Variants in ADGRL3 observed in about 807,000 individuals in gnomAD.
ADGRL3 encodes calcium-independent alpha-latrotoxin receptor 3.
A neutral mutation model predicts 153.5 loss-of-function variants in ADGRL3; 62 were observed. The observed-to-expected ratio is 0.40, with a 90% CI of 0.33 to 0.50. The LOEUF is 0.50. ADGRL3 is among the 20% of genes least tolerant of loss of function. ADGRL3 has a pLI of 0.47. For synonymous variants in ADGRL3, 710 were observed against 672.5 expected (o/e 1.06, Z -0.86); for missense variants, 1,641 against 1,859.4 (o/e 0.88, Z 2.16).
chr4:61,552,179 T>G (rs950031362), intron 4 of ADGRL3, among the ~76,000 whole-genome samples: 1 of 152,178 alleles, frequency 6.6e-6, no homozygotes, highest in Admixed American at 6.6e-5. Context: ...GGCTCATATG[T>G]CACTTACTAA....
intron 1 of ADGRL3, among the ~76,000 whole-genome samples, chr4:61,207,569 T>C (rs1237824077): frequency 1.3e-5 from 2 of 152,174 alleles, no homozygotes; most frequent in African/African-American, 4.8e-5. Flanking sequence ...TACCCAGTAA[T>C]GAGATTGCTG....
intron 1 of ADGRL3, among the ~76,000 whole-genome samples, chr4:61,236,943 G>A (rs181709767): frequency 6.6e-6 from 1 of 152,032 alleles, no homozygotes; most frequent in Non-Finnish European, 1.5e-5. Context: ...TTCTATTTCA[G>A]ATATTATTAC....
At position 61,730,604 on chromosome 4, in the gene ADGRL3, C is replaced by A; in HGVS notation, c.584-18C>A. The A allele has an allele frequency of 1.9e-6, 1 of 536,132 alleles. No individual in the cohort carries two copies. The highest frequency in any genetic ancestry group is 3.2e-6 in the Non-Finnish European group (1 of 312,240). The allele number at this position is 536,132 out of a possible 1,614,324, so 33.2% of individuals were successfully genotyped here. A position where few individuals can be genotyped will look rare whatever the true frequency, so the allele number is the denominator to read the frequency against. Reference sequence around the variant, plus strand: ...TTCTCTTTTCTCCTTTCTCTCTTTACTTCTCTCTCTCCAATAGAAGTGGAA... The same window carrying A: ...TTCTCTTTTCTCCTTTCTCTCTTTAATTCTCTCTCTCCAATAGAAGTGGAA... On this transcript the variant is annotated intron_variant, in intron 6 of 26. Transcript: ENST00000683033.
At chr4:61,250,846 A>T (rs2149437277) in intron 1 of ADGRL3, among the ~76,000 whole-genome samples, 1 of 152,284 alleles carries the variant, frequency 6.6e-6, no homozygotes, top group African/African-American at 2.4e-5. Context: ...CATCTGTAAA[A>T]TGGGAATATT....
At chr4:61,312,269 T>C (rs2095043996) in intron 1 of ADGRL3, among the ~76,000 whole-genome samples, 1 of 152,138 alleles carries the variant, frequency 6.6e-6, no homozygotes, top group African/African-American at 2.4e-5. Flanking sequence ...TTGCAAAAAT[T>C]AACTCAAAGG....
chr4:61,947,978 G>A (rs2098932487), intron 16 of ADGRL3, 122 bp from the exon 17 acceptor site: 1 of 709,312 alleles, frequency 1.4e-6, no homozygotes, highest in South Asian at 2.1e-5. Flanking sequence ...TGAAACCATT[G>A]GTAGACATCT....
rs75475286 is a variant in ADGRL3 at position 61,976,173 on chromosome 4, T to C, written c.2806-3390T>C. On this transcript the variant is annotated intron_variant, in intron 17 of 26. Coordinates refer to ENST00000683033, the MANE Select transcript of ADGRL3 (RefSeq NM_001387552.1). Reference sequence around the variant, plus strand: ...CCTGCTCTCAAGGTACATAATGGTATATAGTTTGTTTTATAGGTGATTGAG... The same window carrying C: ...CCTGCTCTCAAGGTACATAATGGTACATAGTTTGTTTTATAGGTGATTGAG... Among the ~76,000 whole-genome samples the C allele has an allele frequency of 6.2e-4, 95 of 152,290 alleles. 2 individuals carry two copies. In the East Asian group the frequency reaches 0.015, roughly 24 times the overall value.
chr4:61,758,770 A>T (rs2096871250), intron 8 of ADGRL3, among the ~76,000 whole-genome samples: 2 of 152,122 alleles, frequency 1.3e-5, no homozygotes, highest in African/African-American at 2.4e-5. Flanking sequence ...GTTTCTTCCT[A>T]GTCTTGATGG....
At chr4:62,001,171 G>C (rs1031080886) in intron 21 of ADGRL3, among the ~76,000 whole-genome samples, 1 of 152,144 alleles carries the variant, frequency 6.6e-6, no homozygotes, top group Non-Finnish European at 1.5e-5. Context: ...TATAGGAAAG[G>C]AGAATTACTT....
intron 19 of ADGRL3, among the ~76,000 whole-genome samples, chr4:61,986,861 T>C (rs950621122): frequency 6.6e-6 from 1 of 152,196 alleles, no homozygotes; most frequent in East Asian, 1.9e-4. Flanking sequence ...CAATCCAACA[T>C]CTATACAGTG....
At chr4:61,732,545 A>T (rs2096459594) in intron 7 of ADGRL3, among the ~76,000 whole-genome samples, 1 of 152,116 alleles carries the variant, frequency 6.6e-6, no homozygotes, top group Admixed American at 6.5e-5. Context: ...AAAAGGCTAG[A>T]TATTTTTCAG....
In ADGRL3 at chr4:61,605,912, C is replaced by A. The variant is rs139305302; in HGVS notation, c.473+18472C>A. Among the ~76,000 whole-genome samples, 114 of 152,246 alleles carry A rather than the reference C, an allele frequency of 7.5e-4. 1 individual carries two copies. The highest frequency in any genetic ancestry group is 2.7e-3 in the African/African-American group (113 of 41,556). On this transcript the variant is annotated intron_variant, in intron 5 of 26. Coordinates refer to ENST00000683033, the MANE Select transcript of ADGRL3 (RefSeq NM_001387552.1). Reference sequence around the variant, plus strand: ...ATACACTCCTCAGCCAGGAATCATACTAAATGCTGGGAACTTAAACATGCC... The same window carrying A: ...ATACACTCCTCAGCCAGGAATCATAATAAATGCTGGGAACTTAAACATGCC...
At chr4:61,405,085 A>C (rs1258572223) in intron 2 of ADGRL3, among the ~76,000 whole-genome samples, 1 of 151,978 alleles carries the variant, frequency 6.6e-6, no homozygotes, top group Non-Finnish European at 1.5e-5. Context: ...GTAGCTACTT[A>C]CTTCTTTGGA....
intron 1 of ADGRL3, among the ~76,000 whole-genome samples, chr4:61,326,446 A>C (rs2095467098): frequency 1.3e-5 from 2 of 152,096 alleles, no homozygotes; most frequent in African/African-American, 4.8e-5. Context: ...AATTTGAGGT[A>C]ACAAACTAGT....
intron 8 of ADGRL3, among the ~76,000 whole-genome samples, chr4:61,795,441 A>G (rs114201320): frequency 0.017 from 2,622 of 152,318 alleles, 83 homozygotes; most frequent in African/African-American, 0.058. Context: ...AGAACACCTC[A>G]AGAATGATTA....
intron 2 of ADGRL3, among the ~76,000 whole-genome samples, chr4:61,484,587 A>T (rs953689250): frequency 6.6e-6 from 1 of 152,186 alleles, no homozygotes; most frequent in Non-Finnish European, 1.5e-5. Context: ...AATATTAAAC[A>T]TTATCATAGT....
chr4:61,219,104 G>A (rs1424038037), intron 1 of ADGRL3, among the ~76,000 whole-genome samples: 1 of 152,056 alleles, frequency 6.6e-6, no homozygotes, highest in Non-Finnish European at 1.5e-5. Context: ...GCTTCTTTCT[G>A]GCCTCAGCTG....
chr4:61,404,214 G>T (rs1318159541), intron 2 of ADGRL3, among the ~76,000 whole-genome samples: 1 of 152,006 alleles, frequency 6.6e-6, no homozygotes, highest in Admixed American at 6.6e-5. Context: ...GAAATAAATT[G>T]TCTGAATGAA....
intron 11 of ADGRL3, among the ~76,000 whole-genome samples, chr4:61,903,961 G>A (rs1047368579): frequency 6.6e-6 from 1 of 151,236 alleles, no homozygotes; most frequent in African/African-American, 2.4e-5. Context: ...TAGACATAGG[G>A]CTTCCCTATG....
Sources: gnomAD v4.1 joint callset for allele counts (sites outside exome capture counted in the v4.1 genomes callset) on GRCh38, gnomAD v4.1.1 for gene constraint, MANE v1.5 for transcripts, NCBI Gene and HGNC (gene_info 2026-07-23, HGNC 2026-07-21) for gene names.